The following CPXM2 variants were observed in gnomAD, a reference collection of about 807,000 sequenced individuals.
CPXM2 encodes inactive carboxypeptidase-like protein X2.
In CPXM2, 66 loss-of-function variants were observed where a neutral mutation model predicts 86.1. The observed-to-expected ratio is 0.77, with a 90% CI of 0.63 to 0.94. The LOEUF (loss-of-function observed/expected upper bound fraction) is 0.94, where lower values mean the gene tolerates loss of function less well. Among genes scored for constraint, CPXM2 ranks in the 40% least tolerant of loss-of-function variants. CPXM2 has a pLI of 0.00. For synonymous variants in CPXM2, 388 were observed against 400.2 expected, an observed-to-expected ratio of 0.97 and a Z score of 0.36; for missense variants, 948 against 1,026.3, an observed-to-expected ratio of 0.92 and a Z score of 1.04.
chr10:123,780,292 C>A (rs549927771), intron 6 of CPXM2, 37 bp from the exon 7 acceptor site: 2 of 1,243,876 alleles, frequency 1.6e-6, no homozygotes, highest in Non-Finnish European at 2.4e-6. Context: ...TTACTCCCAT[C>A]ATTCTATCTC....
upstream of CPXM2, among the ~76,000 whole-genome samples, chr10:123,941,714 G>A (rs1456467671): frequency 1.3e-5 from 2 of 152,216 alleles, no homozygotes; most frequent in Non-Finnish European, 2.9e-5. Flanking sequence ...CTGCCCTGTG[G>A]ACCCCAGAGG....
intron 4 of CPXM2, among the ~76,000 whole-genome samples, chr10:123,837,897 C>T (rs58488059): frequency 0.039 from 5,883 of 152,220 alleles, 180 homozygotes; most frequent in African/African-American, 0.087. Context: ...CTCGTGATTT[C>T]GCTGCTTCAT....
chr10:123,782,780 C>T (rs778656347), intron 6 of CPXM2, among the ~76,000 whole-genome samples: 22 of 152,084 alleles, frequency 1.4e-4, no homozygotes, highest in Admixed American at 8.5e-4. Context: ...ATAGGAGCTG[C>T]GGAAAATGAG....
chr10:123,768,376 AAAATAAATAAATAAATAAATAAATAAAT>A (rs57827983), intron 9 of CPXM2, 122 bp downstream of exon 9: 6 of 322,096 alleles, frequency 1.9e-5, no homozygotes, highest in South Asian at 2.5e-4. Flanking sequence ...TCCGACTCAA[AAAATAAATAAATAAATAAATAAATAAAT>A]AAATAAATAA....
intron 3 of CPXM2, among the ~76,000 whole-genome samples, chr10:123,862,238 G>A (rs1848865046): frequency 6.6e-6 from 1 of 152,220 alleles, no homozygotes; most frequent in Non-Finnish European, 1.5e-5. Flanking sequence ...CACTGGCAGG[G>A]AGGCAAGGGA....
intron 2 of CPXM2, among the ~76,000 whole-genome samples, chr10:123,931,261 A>T (rs1945664222): frequency 6.6e-6 from 1 of 152,186 alleles, no homozygotes; most frequent in Non-Finnish European, 1.5e-5. Context: ...AAAACCCTGG[A>T]CACTGAGGCT....
At chr10:123,825,175 G>A (rs1307738081) in intron 4 of CPXM2, among the ~76,000 whole-genome samples, 2 of 152,126 alleles carry the variant, frequency 1.3e-5, no homozygotes, top group Non-Finnish European at 2.9e-5. Context: ...TTACATGTAG[G>A]CCTCACACCA....
At chr10:123,923,102 A>G (rs1203586456) in intron 2 of CPXM2, among the ~76,000 whole-genome samples, 2 of 152,230 alleles carry the variant, frequency 1.3e-5, no homozygotes, top group East Asian at 1.9e-4. Flanking sequence ...CAAAATTGCC[A>G]CAAGGACACA....
At chr10:123,810,537 A>C (rs1033869689) in intron 4 of CPXM2, among the ~76,000 whole-genome samples, 1 of 152,146 alleles carries the variant, frequency 6.6e-6, no homozygotes, top group Non-Finnish European at 1.5e-5. Context: ...AGAGTTCAGC[A>C]AGATGGCTGG....
intron 2 of CPXM2, among the ~76,000 whole-genome samples, chr10:123,930,311 G>T (rs76202505): frequency 0.065 from 9,860 of 152,304 alleles, 692 homozygotes; most frequent in East Asian, 0.37. Context: ...TTTGCTCCCC[G>T]CAGCACCATC....
intron 6 of CPXM2, among the ~76,000 whole-genome samples, chr10:123,780,631 TC>T (rs1175498413): frequency 1.3e-5 from 2 of 152,224 alleles, no homozygotes; most frequent in African/African-American, 4.8e-5. Flanking sequence ...TGGCAAGCTG[TC>T]AACACTGCAT....
intron 4 of CPXM2, among the ~76,000 whole-genome samples, chr10:123,829,374 AATTT>A (rs1386501928): frequency 1.4e-5 from 2 of 146,884 alleles, no homozygotes; most frequent in East Asian, 3.9e-4. Context: ...GTGGAAAAAA[AATTT>A]TTTTTTTTTT....
chr10:123,923,472 T>G (rs979129134), intron 2 of CPXM2, among the ~76,000 whole-genome samples: 1 of 150,318 alleles, frequency 6.7e-6, no homozygotes, highest in East Asian at 2.0e-4. Flanking sequence ...TCCCAGCTAC[T>G]CGGGAGGCTG....
intron 2 of CPXM2, among the ~76,000 whole-genome samples, chr10:123,932,944 C>G (rs964555604): frequency 6.6e-6 from 1 of 152,186 alleles, no homozygotes; most frequent in African/African-American, 2.4e-5. Context: ...ACAACTGGGT[C>G]TCCTGGAGCA....
chr10:123,855,867 G>T (rs1365040404), intron 3 of CPXM2, among the ~76,000 whole-genome samples: 2 of 152,290 alleles, frequency 1.3e-5, no homozygotes, highest in African/African-American at 4.8e-5. Flanking sequence ...CAGTGCTGGG[G>T]AAATGGCTCT....
chr10:123,786,204 C>T (rs533650732), intron 6 of CPXM2, among the ~76,000 whole-genome samples: 1 of 152,246 alleles, frequency 6.6e-6, no homozygotes, highest in South Asian at 2.1e-4. Context: ...CTGCTACATG[C>T]CCAGCACTGT....
rs76494178 is a variant in CPXM2 at position 123,778,842 on chromosome 10, T to G, written c.978+1325A>C. On this transcript the variant is annotated intron_variant, in intron 7 of 13. Transcript: ENST00000241305. ...TCAAAATGTAGAGCAGCAGGGATGATTCACAGCCCTCAAGTCCAAACACAT... is the reference window on the plus strand; with the variant it reads ...TCAAAATGTAGAGCAGCAGGGATGAGTCACAGCCCTCAAGTCCAAACACAT... Among the ~76,000 whole-genome samples the G allele has an allele frequency of 1.1e-3, 161 of 152,324 alleles. 5 individuals carry two copies. The East Asian group carries it at 0.024, about 23-fold the overall frequency.
At chr10:123,791,168 C>T (rs1847198481) in intron 6 of CPXM2, among the ~76,000 whole-genome samples, 1 of 152,146 alleles carries the variant, frequency 6.6e-6, no homozygotes, top group Admixed American at 6.5e-5. Context: ...AATCCCAGCA[C>T]TTTGGGAGGC....
At chr10:123,792,765 T>TA (rs1443051608) in intron 6 of CPXM2, among the ~76,000 whole-genome samples, 1 of 152,142 alleles carries the variant, frequency 6.6e-6, no homozygotes, top group Non-Finnish European at 1.5e-5. Flanking sequence ...CTGCAATACT[T>TA]ACGCATACAA....
Sources: allele counts gnomAD v4.1 joint callset (sites outside exome capture counted in the v4.1 genomes callset), GRCh38; gene constraint gnomAD v4.1.1; transcripts MANE v1.5; gene names NCBI Gene and HGNC (gene_info 2026-07-23, HGNC 2026-07-21).